RETREG2: variants seen among roughly 807,000 people sequenced by gnomAD.
The protein encoded by RETREG2 is reticulophagy regulator family member 2, also known as reticulophagy regulator 2.
RETREG2 carries 21 observed loss-of-function variants against 51.6 expected under a neutral mutation model. The observed-to-expected ratio is 0.41, with a 90% CI of 0.29 to 0.59. The LOEUF is 0.59. RETREG2 is among the 20% of genes least tolerant of loss of function. RETREG2 has a pLI of 0.34. For missense variants in RETREG2, 674 were observed against 646.0 expected, an observed-to-expected ratio of 1.04 and a Z score of -0.47; for synonymous variants, 339 against 288.6, an observed-to-expected ratio of 1.17 and a Z score of -1.77.
chr2:219,182,847 C>A lies in RETREG2; in HGVS notation c.*218C>A, dbSNP rs1950302898. 2 of 603,760 alleles carry A rather than the reference C, an allele frequency of 3.3e-6. No homozygotes were observed. Among genetic ancestry groups the A allele is most frequent in the Non-Finnish European group, 5.8e-6 (2 of 345,532 alleles). The allele number at this position is 603,760 out of a possible 1,614,324, so 37.4% of individuals were successfully genotyped here. A position where few individuals can be genotyped will look rare whatever the true frequency, so the allele number is the denominator to read the frequency against. The stretch of plus-strand genomic sequence containing the variant: ...TGGTTTTAAATTTGTAAATAATTTT[C>A]CATTTGGGTTAGTGGATGTGAACAG... On this transcript the variant is annotated 3_prime_UTR_variant, in exon 9 of 9. Transcript: ENST00000430297.
In RETREG2 at chr2:219,181,473, A is replaced by G; in HGVS notation, c.879+10A>G. The G allele has an allele frequency of 6.2e-7, 1 of 1,613,810 alleles. No individual in the cohort carries two copies. Among genetic ancestry groups the G allele is most frequent in the Non-Finnish European group, 8.5e-7 (1 of 1,179,742 alleles). ...TGGCTTCTCCCCAGTGGTGAGGTCC[A>G]GGGAAAGCGGGGGTGTCAAATAGAA... On this transcript the variant is annotated intron_variant, in intron 7 of 8. Coordinates refer to ENST00000430297, the MANE Select transcript of RETREG2 (RefSeq NM_024293.6).
At chr2:219,180,629 A>G (rs1950264703) in intron 4 of RETREG2, 41 bp from the exon 5 acceptor site, 1 of 1,613,864 alleles carries the variant, frequency 6.2e-7, no homozygotes, top group East Asian at 2.2e-5. Context: ...CGGGGCGCAT[A>G]TCTCAGCGTG....
rs1255723902 is a variant in RETREG2 at position 219,182,578 on chromosome 2, C to A, written c.1581C>A (p.Ile527=). 1 of 1,614,084 alleles carries A rather than the reference C, an allele frequency of 6.2e-7. No individual in the cohort carries two copies. The highest frequency in any genetic ancestry group is 1.1e-5 in the South Asian group (1 of 91,084). The change falls in exon 9 of 9, where the codon ATC becomes ATA. Residue 527 remains isoleucine (I), a synonymous_variant. Coordinates refer to ENST00000430297, the MANE Select transcript of RETREG2 (RefSeq NM_024293.6). ...ATGCTCCACCCCTGGGGCCCGACAT[C>A]CATTCTCTGGTACAGTCAGACCAAG... ...PPDAPPLGPD[I]HSLVQSDQEA... is the part of the protein sequence containing the mutation.
intron 4 of RETREG2, 58 bp downstream of exon 4, chr2:219,180,303 G>A: frequency 6.2e-7 from 1 of 1,605,788 alleles, no homozygotes; most frequent in Non-Finnish European, 8.5e-7. Flanking sequence ...AGAGGTGGCG[G>A]GGGATGGGAG....
Position 219,182,123 on chromosome 2 carries a change from C to A in RETREG2, c.1126C>A (p.Gln376Lys), listed in dbSNP as rs756361609. 6.2e-7 allele frequency: 1 copy of A among 1,614,166 alleles called. No homozygotes were observed. The highest frequency in any genetic ancestry group is 1.3e-5 in the African/African-American group (1 of 75,040). The change falls in exon 9 of 9, where the codon CAA becomes AAA. Residue 376 changes from glutamine to lysine, a missense_variant. Physicochemically the swap from Gln to Lys is moderately conservative, Grantham distance 53. Transcript: ENST00000430297. ...APPEDLLGRPQALSRQALDSE... is the reference protein window; with the variant it reads ...APPEDLLGRPKALSRQALDSE... ...TCCCGAAGACCTACTAGGCCGTCCT[C>A]AAGCTCTGTCAAGGCAAGCCCTGGA...
intron 4 of RETREG2, 43 bp downstream of exon 4, chr2:219,180,288 G>A (rs1005455945): frequency 6.2e-7 from 1 of 1,611,284 alleles, no homozygotes; most frequent in Non-Finnish European, 8.5e-7. Flanking sequence ...ACACTGAAGG[G>A]GAATAGAGGT....
chr2:219,181,276 T>G, intron 6 of RETREG2, 71 bp downstream of exon 6: 1 of 1,607,822 alleles, frequency 6.2e-7, no homozygotes, highest in Non-Finnish European at 8.5e-7. Context: ...TGAGATGCCC[T>G]GGAATTGAGA....
rs1950314444 is a variant in RETREG2 at position 219,183,723 on chromosome 2, G to A, written c.*1094G>A. 1 of 152,262 alleles carries A rather than the reference G, an allele frequency of 6.6e-6. No homozygotes were observed. The highest frequency in any genetic ancestry group is 2.4e-5 in the African/African-American group (1 of 41,466). 9.4% of individuals were successfully genotyped at this position (152,262 alleles called of 1,614,324 possible). On this transcript the variant is annotated 3_prime_UTR_variant, in exon 9 of 9. Coordinates refer to ENST00000430297, the MANE Select transcript of RETREG2 (RefSeq NM_024293.6). ...TGTGTGAATAAAGTATATGCAGGAG[G>A]AAATTGCTTTGTCTTCCCAATCGGT...
rs371709720 is a variant in RETREG2 at position 219,178,427 on chromosome 2, T to C, written c.75T>C (p.Gly25=). 479 of 633,972 alleles carry C rather than the reference T, an allele frequency of 7.6e-4. 5 individuals carry two copies. The Middle Eastern group carries it at 0.016, about 21-fold the overall frequency. The allele number at this position is 633,972 out of a possible 1,614,324, so 39.3% of individuals were successfully genotyped here. ...GPGMGLSLGL[G]LGLSLGMSEA... ...GGATGGGCCTGAGCCTGGGCCTGGGTCTGGGTCTGAGCCTAGGCATGAGTG... is the reference window on the plus strand; with the variant it reads ...GGATGGGCCTGAGCCTGGGCCTGGGCCTGGGTCTGAGCCTAGGCATGAGTG... The change falls in exon 1 of 9, where the codon GGT becomes GGC. Residue 25 remains glycine, a synonymous_variant. Transcript: ENST00000430297.
At chr2:219,180,627 A>G (rs1396107567) in intron 4 of RETREG2, 43 bp from the exon 5 acceptor site, 3 of 1,613,812 alleles carry the variant, frequency 1.9e-6, no homozygotes, top group Non-Finnish European at 2.5e-6. Flanking sequence ...AGCGGGGCGC[A>G]TATCTCAGCG....
chr2:219,179,481 A>G (rs905334457), intron 2 of RETREG2, among the ~76,000 whole-genome samples: 1 of 152,214 alleles, frequency 6.6e-6, no homozygotes, highest in Non-Finnish European at 1.5e-5. Context: ...TGTTATCCAT[A>G]TAATTTACTT....
rs1166600911 is a variant in RETREG2, at chr2:219,184,742, G to C, written c.*2113G>C. 1 of 151,866 alleles carries C rather than the reference G, an allele frequency of 6.6e-6. No individual in the cohort carries two copies. Among genetic ancestry groups the C allele is most frequent in the East Asian group, 1.9e-4 (1 of 5,190 alleles). The allele number at this position is 151,866 out of a possible 1,614,324, so 9.4% of individuals were successfully genotyped here. ...CAATAGAACCAGAAGCTTGTAGCTG[G>C]ATCAAAATATTCTCCATAGGCCTGG... On this transcript the variant is annotated 3_prime_UTR_variant, in exon 9 of 9. Transcript: ENST00000430297.
rs1950301521 is a variant in RETREG2 at position 219,182,755 on chromosome 2, C to G, written c.*126C>G. On this transcript the variant is annotated 3_prime_UTR_variant, in exon 9 of 9. Coordinates refer to ENST00000430297, the MANE Select transcript of RETREG2 (RefSeq NM_024293.6). ...GGGGAAGCTGGCTGTCGGATGGTAG[C>G]TATTCCACCCTCTGCCTGCCTGCCT... is the stretch of plus-strand genomic sequence containing the variant. 2 of 1,105,670 alleles carry G rather than the reference C, an allele frequency of 1.8e-6. No homozygotes were observed. Among genetic ancestry groups the G allele is most frequent in the Non-Finnish European group, 2.6e-6 (2 of 776,542 alleles). 68.5% of individuals were successfully genotyped at this position (1,105,670 alleles called of 1,614,324 possible).
chr2:219,182,423 C>T lies in RETREG2; in HGVS notation c.1426C>T (p.Gln476Ter). The change falls in exon 9 of 9, where the codon CAG becomes TAG. Residue 476 changes from glutamine to a stop codon, truncating the protein, a stop_gained. Transcript: ENST00000430297. LOFTEE classifies it high-confidence loss of function. The stretch of plus-strand genomic sequence containing the variant: ...CCCACCTGTTCCCCAGGACTCACCC[C>T]AGCCCCTGCCTGCCCCTGAGGAAGA... ...ILPPVPQDSP[Q>*]PLPAPEEEEA... The T allele has an allele frequency of 6.2e-7, 1 of 1,614,158 alleles. No individual in the cohort carries two copies. The highest frequency in any genetic ancestry group is 1.3e-5 in the African/African-American group (1 of 75,044).
Position 219,178,521 on chromosome 2 carries a change from T to G in RETREG2, c.169T>G (p.Trp57Gly). The change falls in exon 1 of 9, where the codon TGG (tryptophan) becomes GGG (glycine). Residue 57 changes from tryptophan (W) to glycine (G), a missense_variant. Transcript: ENST00000430297. Reference protein sequence around the residue: ...EAVGRLATTLWLRLRGWEAVL... With the variant: ...EAVGRLATTLGLRLRGWEAVL... ...GGTGGGACGCCTGGCCACGACGCTG[T>G]GGCTGCGGCTCCGCGGCTGGGAGGC... is the stretch of plus-strand genomic sequence containing the variant. The G allele has an allele frequency of 7.1e-7, 1 of 1,417,692 alleles. No homozygotes were observed. The highest frequency in any genetic ancestry group is 9.2e-7 in the Non-Finnish European group (1 of 1,089,432). The allele number at this position is 1,417,692 out of a possible 1,614,324, so 87.8% of individuals were successfully genotyped here.
chr2:219,180,528 G>A, intron 4 of RETREG2, 142 bp from the exon 5 acceptor site: 1 of 1,426,746 alleles, frequency 7.0e-7, no homozygotes, highest in East Asian at 2.3e-5. Flanking sequence ...TGGTGGTCTT[G>A]AGCATCCTCT....
chr2:219,178,761 C>T (rs1950228500), intron 1 of RETREG2, 128 bp downstream of exon 1: 4 of 1,232,600 alleles, frequency 3.2e-6, no homozygotes, highest in Non-Finnish European at 4.4e-6. Flanking sequence ...TGCAGGCTGA[C>T]ATCCGCTTGA....
chr2:219,178,913 C>A lies in RETREG2; in HGVS notation c.282-9C>A. 6.2e-7 allele frequency: 1 copy of A among 1,600,312 alleles called. No homozygotes were observed. The highest frequency in any genetic ancestry group is 8.6e-7 in the Non-Finnish European group (1 of 1,168,854). ...CCACTCACTGCTGAGGTGCCTGTCTCTCCCTAAGGTTGCTGTCTTCCTCGT... is the reference window on the plus strand; with the variant it reads ...CCACTCACTGCTGAGGTGCCTGTCTATCCCTAAGGTTGCTGTCTTCCTCGT... On this transcript the variant is annotated splice_polypyrimidine_tract_variant and intron_variant, in intron 1 of 8. Transcript: ENST00000430297.
chr2:219,179,700 A>C, intron 2 of RETREG2, 33 bp from the exon 3 acceptor site: 1 of 1,611,460 alleles, frequency 6.2e-7, no homozygotes, highest in Non-Finnish European at 8.5e-7. Flanking sequence ...GGCCCCTACC[A>C]CTCAATAATT....
Sources: allele counts gnomAD v4.1 joint callset (sites outside exome capture counted in the v4.1 genomes callset), GRCh38; gene constraint gnomAD v4.1.1; transcripts MANE v1.5; gene names NCBI Gene and HGNC (gene_info 2026-07-23, HGNC 2026-07-21).